The following CNTNAP4 variants were observed in gnomAD, a reference collection of about 807,000 sequenced individuals.
The protein encoded by CNTNAP4 is contactin-associated protein-like 4.
CNTNAP4 carries 98 observed loss-of-function variants against 148.4 expected under a neutral mutation model. That is an observed-to-expected ratio of 0.66 (90% CI 0.56 to 0.78). The LOEUF is 0.78. CNTNAP4 is among the 30% of genes least tolerant of loss of function. The probability of loss-of-function intolerance (pLI) is 0.00; values close to 1 mark genes in which losing one functional copy is unlikely to be tolerated. For missense variants in CNTNAP4, 1,935 were observed against 1,565.6 expected, an observed-to-expected ratio of 1.24 and a Z score of -3.98; for synonymous variants, 730 against 565.1, an observed-to-expected ratio of 1.29 and a Z score of -4.14.
chr16:76,358,043 A>G (rs938359202), intron 3 of CNTNAP4, among the ~76,000 whole-genome samples: 5 of 152,068 alleles, frequency 3.3e-5, no homozygotes, highest in African/African-American at 4.8e-5. Flanking sequence ...ATGTTAACTC[A>G]CTGAAGAAGG....
intron 2 of CNTNAP4, among the ~76,000 whole-genome samples, chr16:76,342,354 G>C (rs188794563): frequency 1.3e-5 from 2 of 151,928 alleles, no homozygotes; most frequent in South Asian, 4.2e-4. Flanking sequence ...TCTGTTGAAG[G>C]AAAAACTGGC....
At chr16:76,347,243 C>T (rs1048793137) in intron 2 of CNTNAP4, among the ~76,000 whole-genome samples, 11 of 151,764 alleles carry the variant, frequency 7.2e-5, no homozygotes, top group African/African-American at 2.7e-4. Context: ...TATTCTGTGC[C>T]TTCAGTTTGG....
intron 3 of CNTNAP4, among the ~76,000 whole-genome samples, chr16:76,369,112 A>T (rs1351782626): frequency 6.6e-6 from 1 of 152,022 alleles, no homozygotes; most frequent in Non-Finnish European, 1.5e-5. Context: ...ATATATAAAT[A>T]TATAAAAGTA....
intron 1 of CNTNAP4, among the ~76,000 whole-genome samples, chr16:76,289,578 C>T (rs891985931): frequency 3.3e-5 from 5 of 150,176 alleles, no homozygotes; most frequent in African/African-American, 1.2e-4. Flanking sequence ...TTATTTTCCG[C>T]CTGTTTTTTT....
chr16:76,555,043 A>C (rs953639893), intron 23 of CNTNAP4, among the ~76,000 whole-genome samples: 2 of 152,012 alleles, frequency 1.3e-5, no homozygotes, highest in African/African-American at 4.8e-5. Context: ...CAACAGGATA[A>C]TTGTTTACTT....
intron 1 of CNTNAP4, among the ~76,000 whole-genome samples, chr16:76,300,502 C>G (rs144465865): frequency 1.3e-5 from 2 of 152,194 alleles, no homozygotes; most frequent in African/African-American, 4.8e-5. Flanking sequence ...ACCTATGCAA[C>G]AAACCTGCAC....
At chr16:76,452,283 T>C (rs1320576119) in intron 7 of CNTNAP4, among the ~76,000 whole-genome samples, 2 of 152,322 alleles carry the variant, frequency 1.3e-5, no homozygotes, top group African/African-American at 4.8e-5. Context: ...TAAGCTTGAC[T>C]TCATTGACTT....
intron 12 of CNTNAP4, among the ~76,000 whole-genome samples, chr16:76,487,948 C>T (rs1357048619): frequency 6.6e-6 from 1 of 152,094 alleles, no homozygotes; most frequent in African/African-American, 2.4e-5. Context: ...GGGAAAGAGA[C>T]AAAGGCTTCA....
chr16:76,530,773 C>G (rs2083945174), intron 17 of CNTNAP4, among the ~76,000 whole-genome samples: 1 of 152,166 alleles, frequency 6.6e-6, no homozygotes, highest in Admixed American at 6.5e-5. Flanking sequence ...CAGGACTTTG[C>G]TTAATGAAGA....
At chr16:76,329,605 C>T (rs965562674) in intron 2 of CNTNAP4, among the ~76,000 whole-genome samples, 12 of 152,100 alleles carry the variant, frequency 7.9e-5, no homozygotes, top group African/African-American at 2.9e-4. Context: ...TTTTCTTCCT[C>T]AGTGGGAATT....
chr16:76,482,669 T>C (rs1274891274), intron 12 of CNTNAP4, among the ~76,000 whole-genome samples: 2 of 152,204 alleles, frequency 1.3e-5, no homozygotes, highest in Non-Finnish European at 2.9e-5. Context: ...CTCACAACCA[T>C]TGAGGACATT....
chr16:76,349,753 A>C (rs1244722717), intron 2 of CNTNAP4, among the ~76,000 whole-genome samples: 1 of 152,118 alleles, frequency 6.6e-6, no homozygotes, highest in Admixed American at 6.6e-5. Context: ...ACCATCATTC[A>C]ATTATGTTCA....
chr16:76,464,063 T>C (rs1176535192), intron 9 of CNTNAP4, among the ~76,000 whole-genome samples: 1 of 152,158 alleles, frequency 6.6e-6, no homozygotes, highest in Non-Finnish European at 1.5e-5. Flanking sequence ...ACCCTAACAG[T>C]TCCAGGGCTG....
intron 3 of CNTNAP4, among the ~76,000 whole-genome samples, chr16:76,394,056 A>C (rs1339832172): frequency 6.6e-6 from 1 of 152,224 alleles, no homozygotes; most frequent in Non-Finnish European, 1.5e-5. Flanking sequence ...CAAATAGAAC[A>C]GGGAGAAAAG....
intron 3 of CNTNAP4, among the ~76,000 whole-genome samples, chr16:76,424,930 A>G (rs972975246): frequency 2.6e-5 from 4 of 152,100 alleles, no homozygotes; most frequent in Non-Finnish European, 4.4e-5. Flanking sequence ...GAAATAATCG[A>G]TTTTTTAGGT....
At chr16:76,448,719 T>A in intron 5 of CNTNAP4, 48 bp from the exon 6 acceptor site, 1 of 1,400,840 alleles carries the variant, frequency 7.1e-7, no homozygotes, top group East Asian at 2.5e-5. Flanking sequence ...TTTTTTTTTT[T>A]TCTTTAGACT....
chr16:76,557,822 G>T (rs923806156), intron 23 of CNTNAP4: 2 of 152,198 alleles, frequency 1.3e-5, no homozygotes, highest in Non-Finnish European at 2.9e-5. Flanking sequence ...CCCTCTCAAA[G>T]TGTCCCAGGG....
intron 3 of CNTNAP4, among the ~76,000 whole-genome samples, chr16:76,418,092 TG>T (rs71272458): frequency 0.35 from 52,884 of 151,350 alleles, 10,887 homozygotes; most frequent in Non-Finnish European, 0.44. Flanking sequence ...GTTTTTATTT[TG>T]GTTTTTAATC....
chr16:76,340,887 A>G (rs919735911), intron 2 of CNTNAP4, among the ~76,000 whole-genome samples: 2 of 152,216 alleles, frequency 1.3e-5, no homozygotes, highest in Non-Finnish European at 2.9e-5. Context: ...AGAATCCTCC[A>G]GTGGTGCTAA....
Sources: allele counts gnomAD v4.1 joint callset (sites outside exome capture counted in the v4.1 genomes callset), GRCh38; gene constraint gnomAD v4.1.1; transcripts MANE v1.5; gene names NCBI Gene and HGNC (gene_info 2026-07-23, HGNC 2026-07-21).